The following CNTN4 variants were observed in gnomAD, a reference collection of about 807,000 sequenced individuals.
CNTN4 encodes contactin 4.
In CNTN4, 77 loss-of-function variants were observed where a neutral mutation model predicts 122.5. The observed-to-expected ratio is 0.63, with a 90% CI of 0.52 to 0.76. The LOEUF is 0.76. Among genes scored for constraint, CNTN4 ranks in the 30% least tolerant of loss-of-function variants. CNTN4 has a pLI of 0.00. For missense variants in CNTN4, 1,256 were observed against 1,259.1 expected (o/e 1.00, Z 0.04); for synonymous variants, 512 against 447.0 (o/e 1.15, Z -1.83).
chr3:2,190,838 A>G lies in CNTN4; in HGVS notation c.-145+90199A>G, dbSNP rs186702581. ...CACACACACACACACACACACATAC[A>G]CACACACACATAAATATATATCTCG... On this transcript the variant is annotated intron_variant, in intron 2 of 24. Coordinates refer to ENST00000418658, the MANE Select transcript of CNTN4 (RefSeq NM_175607.3). 5.9e-3 allele frequency among the ~76,000 whole-genome samples: 897 copies of G among 151,086 alleles called. 4 individuals are homozygous for G. The highest frequency in any genetic ancestry group is 0.012 in the Admixed American group (188 of 15,200).
At chr3:2,199,936 G>T (rs1304489592) in intron 2 of CNTN4, among the ~76,000 whole-genome samples, 1 of 152,150 alleles carries the variant, frequency 6.6e-6, no homozygotes, top group Non-Finnish European at 1.5e-5. Context: ...AGCATATGAA[G>T]GTCATTGTGA....
chr3:2,434,696 G>C (rs777471872), intron 3 of CNTN4, among the ~76,000 whole-genome samples: 12 of 152,148 alleles, frequency 7.9e-5, no homozygotes, highest in Non-Finnish European at 1.6e-4. Context: ...TTGGAGGTGT[G>C]AGTAGCTAAA....
At chr3:2,837,216 A>G (rs2093246848) in intron 7 of CNTN4, among the ~76,000 whole-genome samples, 1 of 152,168 alleles carries the variant, frequency 6.6e-6, no homozygotes, top group African/African-American at 2.4e-5. Flanking sequence ...CATTTTTTGT[A>G]CTAGCCTTTC....
chr3:2,621,355 A>T (rs545799600), intron 4 of CNTN4, among the ~76,000 whole-genome samples: 6 of 152,284 alleles, frequency 3.9e-5, no homozygotes, highest in African/African-American at 1.4e-4. Flanking sequence ...ATTGTTTGTG[A>T]TAACACCTGG....
chr3:2,571,118 C>G (rs2079402804), intron 3 of CNTN4, among the ~76,000 whole-genome samples: 1 of 152,084 alleles, frequency 6.6e-6, no homozygotes, highest in South Asian at 2.1e-4. Context: ...AGAGACCTTG[C>G]AAAGCATAGT....
intron 6 of CNTN4, among the ~76,000 whole-genome samples, chr3:2,762,820 A>T (rs1211217359): frequency 6.6e-6 from 1 of 151,458 alleles, no homozygotes; most frequent in East Asian, 1.9e-4. Flanking sequence ...ATTTTTCTCT[A>T]TAACCTTGCC....
chr3:2,480,589 C>G (rs1281439889), intron 3 of CNTN4, among the ~76,000 whole-genome samples: 1 of 152,098 alleles, frequency 6.6e-6, no homozygotes, highest in African/African-American at 2.4e-5. Context: ...GTGAAGAAAA[C>G]TAGAAAACTC....
At chr3:2,751,704 C>G (rs964114349) in intron 6 of CNTN4, among the ~76,000 whole-genome samples, 4 of 151,980 alleles carry the variant, frequency 2.6e-5, no homozygotes, top group Non-Finnish European at 4.4e-5. Flanking sequence ...GCCCAGCATC[C>G]CGGTCTAAAT....
chr3:2,372,267 A>G (rs1391201773), intron 3 of CNTN4, among the ~76,000 whole-genome samples: 2 of 152,252 alleles, frequency 1.3e-5, no homozygotes, highest in Non-Finnish European at 2.9e-5. Flanking sequence ...AAGCAGTATT[A>G]TAAAGGAGAC....
At chr3:3,039,096 CTG>C (rs994583837) in intron 19 of CNTN4, 93 bp downstream of exon 19, 1 of 1,090,542 alleles carries the variant, frequency 9.2e-7, no homozygotes, top group African/African-American at 1.5e-5. Context: ...GTTTCCTCCT[CTG>C]TTTTTAACAG....
intron 4 of CNTN4, among the ~76,000 whole-genome samples, chr3:2,603,734 C>CTT: frequency 1.3e-5 from 2 of 152,168 alleles, no homozygotes. Context: ...TTCAACAAAG[C>CTT]TCTATCTACT....
intron 3 of CNTN4, among the ~76,000 whole-genome samples, chr3:2,401,421 A>G (rs546799777): frequency 3.5e-4 from 54 of 152,268 alleles, no homozygotes; most frequent in African/African-American, 1.3e-3. Flanking sequence ...GTATTTGTAG[A>G]TAATGTAGCT....
At position 2,898,250 on chromosome 3, in the gene CNTN4, G is replaced by A. The variant is rs752330794; in HGVS notation, c.941-2435G>A. The stretch of plus-strand genomic sequence containing the variant: ...TCATTTCTGATCTTCATGGGCCCAC[G>A]TTCAGATATTCACTTTGAGAGGAAT... On this transcript the variant is annotated intron_variant, in intron 10 of 24. Transcript: ENST00000418658. 9.9e-5 allele frequency among the ~76,000 whole-genome samples: 15 copies of A among 152,124 alleles called. No individual in the cohort carries two copies. The South Asian group carries it at 1.4e-3, about 15-fold the overall frequency.
chr3:3,056,171 C>T lies in CNTN4; in HGVS notation c.3032C>T (p.Ser1011Leu). 6.2e-7 allele frequency: 1 copy of T among 1,614,130 alleles called. No individual in the cohort carries two copies. Among genetic ancestry groups the T allele is most frequent in the Non-Finnish European group, 8.5e-7 (1 of 1,179,972 alleles). Reference protein sequence around the residue: ...GASTSNACTLSAISTIMISLT... With the variant: ...GASTSNACTLLAISTIMISLT... ...TCCACTTCGAATGCATGTACGCTGT[C>T]AGCCATCAGTACAATAATGATTTCC... is the stretch of plus-strand genomic sequence containing the variant. Residue 1011 changes from serine (S) to leucine (L), a missense_variant, in exon 25 of 25, where the codon TCA (serine) becomes TTA (leucine). Coordinates refer to ENST00000418658, the MANE Select transcript of CNTN4 (RefSeq NM_175607.3).
At chr3:2,723,521 G>A (rs2149408001) in intron 4 of CNTN4, among the ~76,000 whole-genome samples, 1 of 152,276 alleles carries the variant, frequency 6.6e-6, no homozygotes, top group African/African-American at 2.4e-5. Context: ...CCCTGTTATT[G>A]CGTCCTCCAG....
chr3:2,884,515 A>G (rs1023199291), intron 9 of CNTN4, among the ~76,000 whole-genome samples: 2 of 152,246 alleles, frequency 1.3e-5, no homozygotes, highest in Non-Finnish European at 2.9e-5. Flanking sequence ...CTCTACAGAC[A>G]TTAAAAGTCA....
intron 2 of CNTN4, among the ~76,000 whole-genome samples, chr3:2,178,613 T>C (rs192429756): frequency 1.3e-4 from 20 of 152,182 alleles, no homozygotes; most frequent in Non-Finnish European, 2.9e-5. Context: ...GTGAAGAAAC[T>C]AGGTTTGTTC....
At chr3:2,364,830 C>T (rs1244590611) in intron 3 of CNTN4, among the ~76,000 whole-genome samples, 3 of 152,124 alleles carry the variant, frequency 2.0e-5, no homozygotes, top group Non-Finnish European at 4.4e-5. Context: ...GAATCTAGGC[C>T]ATTGCCATGA....
At chr3:2,559,161 T>C (rs994237096) in intron 3 of CNTN4, among the ~76,000 whole-genome samples, 18 of 152,196 alleles carry the variant, frequency 1.2e-4, no homozygotes, top group African/African-American at 4.3e-4. Flanking sequence ...GGGTTTCTGC[T>C]GTTCATATAA....
Sources: allele counts gnomAD v4.1 joint callset (sites outside exome capture counted in the v4.1 genomes callset), GRCh38; gene constraint gnomAD v4.1.1; transcripts MANE v1.5; gene names NCBI Gene and HGNC (gene_info 2026-07-23, HGNC 2026-07-21).